Variants in SENP7 observed in about 807,000 individuals in gnomAD.
SENP7 encodes sentrin-specific protease 7.
A neutral mutation model predicts 141.2 loss-of-function variants in SENP7; 64 were observed. The observed-to-expected ratio is 0.45, with a 90% CI of 0.37 to 0.56. The LOEUF is 0.56. Ranked by LOEUF, SENP7 falls within the 20% of genes least tolerant of loss-of-function variation. The pLI, the probability that SENP7 is intolerant of heterozygous loss-of-function variation, is 0.00. For synonymous variants in SENP7, 382 were observed against 426.4 expected (o/e 0.90, Z 1.28); for missense variants, 1,025 against 1,212.2 (o/e 0.85, Z 2.29).
intron 1 of SENP7, among the ~76,000 whole-genome samples, chr3:101,508,461 T>C (rs1193207454): frequency 1.3e-5 from 2 of 151,752 alleles, no homozygotes. Context: ...TAGCCAGGCG[T>C]GGTGGCGGGC....
intron 11 of SENP7, chr3:101,358,036 C>T (rs901994782): frequency 1.1e-5 from 7 of 628,144 alleles, no homozygotes; most frequent in Admixed American, 1.1e-4. Flanking sequence ...GTGGCAAAGC[C>T]TTCATTTCAT....
chr3:101,462,550 AAAAG>A (rs1015583900), intron 3 of SENP7, among the ~76,000 whole-genome samples: 37 of 151,508 alleles, frequency 2.4e-4, no homozygotes, highest in Admixed American at 4.6e-4. Flanking sequence ...TCAAAAAAAA[AAAAG>A]AAAGAAAGAA....
intron 6 of SENP7, among the ~76,000 whole-genome samples, chr3:101,391,173 A>C (rs2060804777): frequency 6.6e-6 from 1 of 152,094 alleles, no homozygotes; most frequent in Non-Finnish European, 1.5e-5. Flanking sequence ...CAAATGATGC[A>C]TCTCAAAAAA....
chr3:101,388,586 G>A (rs572001984), intron 6 of SENP7, among the ~76,000 whole-genome samples: 1 of 151,988 alleles, frequency 6.6e-6, no homozygotes, highest in East Asian at 1.9e-4. Flanking sequence ...TAAGAAACAT[G>A]AAAAAGGAAA....
intron 4 of SENP7, among the ~76,000 whole-genome samples, chr3:101,450,428 C>T (rs1462507586): frequency 4.6e-5 from 7 of 152,118 alleles, no homozygotes; most frequent in African/African-American, 2.4e-5. Context: ...CAGCACCACA[C>T]CGCACTTATT....
At chr3:101,457,344 G>T in intron 4 of SENP7, 1 of 1,394,108 alleles carries the variant, frequency 7.2e-7, no homozygotes, top group Non-Finnish European at 1.0e-6. Context: ...TCCATCCATG[G>T]ATTGTTTGGG....
chr3:101,492,084 C>T (rs2064989365), intron 3 of SENP7, among the ~76,000 whole-genome samples: 4 of 151,322 alleles, frequency 2.6e-5, no homozygotes, highest in Admixed American at 6.6e-5. Flanking sequence ...AAGAGCAAAA[C>T]GCCATCTCAA....
intron 6 of SENP7, among the ~76,000 whole-genome samples, chr3:101,390,161 A>C (rs1175403115): frequency 4.9e-5 from 7 of 143,218 alleles, no homozygotes; most frequent in African/African-American, 1.8e-4. Flanking sequence ...CGGAAGTTGC[A>C]GTGAGTCGAG....
intron 4 of SENP7, among the ~76,000 whole-genome samples, chr3:101,439,977 G>A (rs1407781717): frequency 2.5e-3 from 194 of 76,434 alleles, no homozygotes; most frequent in Admixed American, 5.4e-3. Flanking sequence ...CCGGCCAGCC[G>A]CCCCGTCTGG....
intron 3 of SENP7, among the ~76,000 whole-genome samples, chr3:101,483,947 A>C (rs2064615443): frequency 6.6e-6 from 1 of 152,164 alleles, no homozygotes; most frequent in Admixed American, 6.6e-5. Flanking sequence ...AGATTGCTTG[A>C]ACCCAGGAGA....
chr3:101,453,060 T>C (rs1293375757), intron 4 of SENP7, among the ~76,000 whole-genome samples: 3 of 152,130 alleles, frequency 2.0e-5, no homozygotes. Flanking sequence ...GTGAAGGATA[T>C]GAACAGACAC....
chr3:101,417,934 CCTAA>C (rs1214908968), intron 4 of SENP7, 144 bp from the exon 5 acceptor site: 37 of 619,480 alleles, frequency 6.0e-5, no homozygotes, highest in Admixed American at 9.6e-5. Flanking sequence ...AGAAAAAATG[CCTAA>C]CTATTATCAA....
At chr3:101,404,231 A>G (rs930549193) in intron 5 of SENP7, among the ~76,000 whole-genome samples, 1 of 152,132 alleles carries the variant, frequency 6.6e-6, no homozygotes, top group Non-Finnish European at 1.5e-5. Context: ...CACACAGACT[A>G]ATGGAAAAGA....
At chr3:101,469,169 T>C (rs187099123) in intron 3 of SENP7, among the ~76,000 whole-genome samples, 10 of 152,238 alleles carry the variant, frequency 6.6e-5, no homozygotes, top group Admixed American at 4.6e-4. Flanking sequence ...CTAACTATCC[T>C]AAATATATAC....
intron 2 of SENP7, among the ~76,000 whole-genome samples, chr3:101,498,915 C>A (rs957340834): frequency 6.6e-6 from 1 of 152,116 alleles, no homozygotes; most frequent in Non-Finnish European, 1.5e-5. Context: ...AGTTTCATCC[C>A]GAAACCATCT....
chr3:101,383,282 T>C lies in SENP7; in HGVS notation c.678-11156A>G, dbSNP rs62280672. Among the ~76,000 whole-genome samples, 631 of 152,320 alleles carry C rather than the reference T, an allele frequency of 4.1e-3. 7 individuals carry two copies. Among genetic ancestry groups the C allele is most frequent in the Non-Finnish European group, 5.6e-3 (379 of 68,028 alleles). Reference sequence around the variant, plus strand: ...TGTGATGTGCCTGCTCCCCCTTTGCTTTCCACTGATGGCAGCAGCAGCAGC... The same window carrying C: ...TGTGATGTGCCTGCTCCCCCTTTGCCTTCCACTGATGGCAGCAGCAGCAGC... On this transcript the variant is annotated intron_variant, in intron 6 of 23. Coordinates refer to ENST00000394095, the MANE Select transcript of SENP7 (RefSeq NM_020654.5).
At chr3:101,400,305 G>A (rs1179151998) in intron 5 of SENP7, among the ~76,000 whole-genome samples, 1 of 152,080 alleles carries the variant, frequency 6.6e-6, no homozygotes, top group Non-Finnish European at 1.5e-5. Context: ...ACAATATATA[G>A]AAAGAGCCAG....
chr3:101,365,021 T>C (rs2059998406), intron 9 of SENP7, 30 bp from the exon 10 acceptor site: 2 of 1,171,150 alleles, frequency 1.7e-6, no homozygotes, highest in Admixed American at 3.9e-5. Context: ...TGTATTTTTG[T>C]TTATTTATTT....
chr3:101,406,367 G>A (rs1350143919), intron 5 of SENP7, among the ~76,000 whole-genome samples: 2 of 152,096 alleles, frequency 1.3e-5, no homozygotes, highest in Middle Eastern at 6.8e-3. Context: ...CTCACTCATA[G>A]GTGGGAATTG....
Sources: allele counts gnomAD v4.1 joint callset (sites outside exome capture counted in the v4.1 genomes callset), GRCh38; gene constraint gnomAD v4.1.1; transcripts MANE v1.5; gene names NCBI Gene and HGNC (gene_info 2026-07-23, HGNC 2026-07-21).